Variants in FIP1L1 observed in about 807,000 individuals in gnomAD.
FIP1L1 encodes pre-mRNA 3'-end-processing factor FIP1.
A neutral mutation model predicts 84.6 loss-of-function variants in FIP1L1; 21 were observed. The ratio of observed to expected loss-of-function variants is 0.25; its 90% CI spans 0.18 to 0.36. The LOEUF (loss-of-function observed/expected upper bound fraction) is 0.36, where lower values mean the gene tolerates loss of function less well. Ranked by LOEUF, FIP1L1 falls within the 10% of genes least tolerant of loss-of-function variation. The pLI is 1.00. For synonymous variants in FIP1L1, 263 were observed against 242.3 expected, an observed-to-expected ratio of 1.09 and a Z score of -0.80; for missense variants, 526 against 751.1, an observed-to-expected ratio of 0.70 and a Z score of 3.50.
intron 10 of FIP1L1, among the ~76,000 whole-genome samples, chr4:53,409,411 G>A (rs1755791136): frequency 6.6e-6 from 1 of 152,198 alleles, no homozygotes. Flanking sequence ...CCCTACTGGG[G>A]GGTGTCTCCC....
intron 9 of FIP1L1, among the ~76,000 whole-genome samples, chr4:53,393,749 T>C (rs1745580228): frequency 7.5e-6 from 1 of 134,214 alleles, no homozygotes; most frequent in African/African-American, 2.8e-5. Context: ...CACATATGCA[T>C]AGATTTTCCC....
chr4:53,417,761 ACACTCTCTCTCTCTCTCTCTCTCTCT>A lies in FIP1L1; in HGVS notation c.923+3041_923+3066del, dbSNP rs1450363348. On this transcript the variant is annotated intron_variant, in intron 11 of 17. Transcript: ENST00000337488. ...TAAACACACACACACACACACACAC[ACACTCTCTCTCTCTCTCTCTCTCTCT>A]CTCTCTCTCTCTCTCTCTCTCTCTC... is the stretch of plus-strand genomic sequence containing the variant. Among the ~76,000 whole-genome samples, 49 of 22,500 alleles carry A rather than the reference ACACTCTCTCTCTCTCTCTCTCTCTCT, an allele frequency of 2.2e-3. 1 individual carries two copies. The highest frequency in any genetic ancestry group is 5.2e-3 in the African/African-American group (47 of 9,016). 14.8% of individuals were successfully genotyped at this position (22,500 alleles called of 152,430 possible).
chr4:53,410,205 T>C (rs1435563312), intron 10 of FIP1L1, among the ~76,000 whole-genome samples: 1 of 152,206 alleles, frequency 6.6e-6, no homozygotes, highest in Admixed American at 6.5e-5. Flanking sequence ...TTGCATAGAG[T>C]AAGAGAAGAC....
intron 11 of FIP1L1, among the ~76,000 whole-genome samples, chr4:53,416,296 A>G (rs1278891446): frequency 1.3e-5 from 2 of 152,200 alleles, no homozygotes; most frequent in Admixed American, 6.5e-5. Context: ...TTATCATGCT[A>G]TTGGTAAAGA....
chr4:53,417,785 T>A (rs879822011), intron 11 of FIP1L1, among the ~76,000 whole-genome samples: 24,177 of 95,622 alleles, frequency 0.25, 2,989 homozygotes, highest in African/African-American at 0.38. Context: ...TCTCTCTCTC[T>A]CTCTCTCTCT....
At chr4:53,457,768 C>T (rs186756188) in intron 16 of FIP1L1, among the ~76,000 whole-genome samples, 21 of 151,822 alleles carry the variant, frequency 1.4e-4, no homozygotes, top group Admixed American at 1.2e-3. Flanking sequence ...GTGTTGACTT[C>T]TATGCTAAAC....
At chr4:53,455,188 T>A (rs1718280527) in intron 16 of FIP1L1, among the ~76,000 whole-genome samples, 1 of 152,202 alleles carries the variant, frequency 6.6e-6, no homozygotes, top group Admixed American at 6.5e-5. Context: ...ACACTAAAAC[T>A]TTCTCCATAT....
chr4:53,455,845 A>C (rs1167441317), intron 16 of FIP1L1, among the ~76,000 whole-genome samples: 1 of 149,390 alleles, frequency 6.7e-6, no homozygotes, highest in Non-Finnish European at 1.5e-5. Context: ...GGATTTACTC[A>C]TCTTTTTTCC....
At chr4:53,444,705 C>T (rs1773449946) in intron 15 of FIP1L1, among the ~76,000 whole-genome samples, 1 of 151,924 alleles carries the variant, frequency 6.6e-6, no homozygotes, top group African/African-American at 2.4e-5. Flanking sequence ...AGTGATCATC[C>T]CACGCAGCTA....
intron 13 of FIP1L1, 159 bp downstream of exon 13, chr4:53,428,342 T>TC: frequency 1.3e-5 from 8 of 603,888 alleles, no homozygotes; most frequent in Non-Finnish European, 2.0e-5. Flanking sequence ...TATATATGTT[T>TC]ATTGCTATTT....
intron 10 of FIP1L1, among the ~76,000 whole-genome samples, chr4:53,406,173 G>T (rs1753322575): frequency 6.6e-6 from 1 of 152,086 alleles, no homozygotes; most frequent in South Asian, 2.1e-4. Context: ...ATTATTTTGA[G>T]ATACGTCCTA....
chr4:53,404,211 C>G (rs1185242585), intron 10 of FIP1L1, among the ~76,000 whole-genome samples: 2 of 129,954 alleles, frequency 1.5e-5, no homozygotes, highest in Non-Finnish European at 3.1e-5. Flanking sequence ...CTTCCTGTGT[C>G]CATGTGTTCT....
chr4:53,453,897 A>G (rs1439003122), intron 16 of FIP1L1, among the ~76,000 whole-genome samples: 2 of 152,196 alleles, frequency 1.3e-5, no homozygotes, highest in African/African-American at 4.8e-5. Context: ...AAATGTACAA[A>G]TAGTCTCTCT....
At chr4:53,405,215 C>T (rs1348335926) in intron 10 of FIP1L1, among the ~76,000 whole-genome samples, 2 of 152,106 alleles carry the variant, frequency 1.3e-5, no homozygotes, top group Non-Finnish European at 1.5e-5. Flanking sequence ...CCAGTTTCAG[C>T]TCTCTACATA....
intron 15 of FIP1L1, among the ~76,000 whole-genome samples, chr4:53,448,336 G>C (rs778090333): frequency 5.9e-5 from 9 of 151,874 alleles, no homozygotes; most frequent in Non-Finnish European, 1.3e-4. Context: ...TTGGTTAGCT[G>C]TCCCTGTGCT....
chr4:53,449,353 A>C (rs1372233340), intron 15 of FIP1L1, among the ~76,000 whole-genome samples: 1 of 152,080 alleles, frequency 6.6e-6, no homozygotes, highest in African/African-American at 2.4e-5. Flanking sequence ...GGTTGTATCA[A>C]ATGCTTTCTG....
intron 10 of FIP1L1, among the ~76,000 whole-genome samples, chr4:53,407,618 CTCCCA>C (rs1479763040): frequency 2.6e-5 from 4 of 151,424 alleles, no homozygotes; most frequent in Non-Finnish European, 5.9e-5. Flanking sequence ...GGTGTTAAGT[CTCCCA>C]TTTTTATTGT....
intron 13 of FIP1L1, among the ~76,000 whole-genome samples, chr4:53,438,079 A>T (rs565003264): frequency 6.6e-6 from 1 of 152,244 alleles, no homozygotes; most frequent in African/African-American, 2.4e-5. Flanking sequence ...CTTGAGTATT[A>T]CTTTTCCAAA....
chr4:53,442,886 A>C (rs1301423304), intron 14 of FIP1L1, among the ~76,000 whole-genome samples, 179 bp downstream of exon 14: 1 of 152,116 alleles, frequency 6.6e-6, no homozygotes, highest in Non-Finnish European at 1.5e-5. Context: ...CCCGATATCA[A>C]AACAGGGCAA....
Sources: gnomAD v4.1 joint callset for allele counts (sites outside exome capture counted in the v4.1 genomes callset) on GRCh38, gnomAD v4.1.1 for gene constraint, MANE v1.5 for transcripts, NCBI Gene and HGNC (gene_info 2026-07-23, HGNC 2026-07-21) for gene names.